The following KPNA3 variants were observed in gnomAD, a reference collection of about 807,000 sequenced individuals.
KPNA3 encodes importin subunit alpha-4.
In KPNA3, 13 loss-of-function variants were observed where a neutral mutation model predicts 73.8. The observed-to-expected ratio is 0.18, with a 90% CI of 0.11 to 0.28. The LOEUF (loss-of-function observed/expected upper bound fraction) is 0.28, where lower values mean the gene tolerates loss of function less well. Among genes scored for constraint, KPNA3 ranks in the 10% least tolerant of loss-of-function variants. The pLI is 1.00. For synonymous variants in KPNA3, 186 were observed against 206.9 expected, an observed-to-expected ratio of 0.90 and a Z score of 0.87; for missense variants, 360 against 618.1, an observed-to-expected ratio of 0.58 and a Z score of 4.43.
intron 2 of KPNA3, among the ~76,000 whole-genome samples, chr13:49,739,109 CAATT>C: frequency 6.6e-6 from 1 of 152,192 alleles, no homozygotes; most frequent in African/African-American, 2.4e-5. Flanking sequence ...ATCTTTCAAA[CAATT>C]AACTAAACAA....
chr13:49,702,289 T>C (rs2137527748), intron 16 of KPNA3, 97 bp downstream of exon 16: 1 of 695,402 alleles, frequency 1.4e-6, no homozygotes, highest in Non-Finnish European at 2.5e-6. Context: ...TACAAACTTA[T>C]GTCATCCTAA....
chr13:49,722,696 C>T, intron 7 of KPNA3, 133 bp from the exon 8 acceptor site: 1 of 554,822 alleles, frequency 1.8e-6, no homozygotes, highest in South Asian at 2.7e-5. Flanking sequence ...AATATCTTTA[C>T]CCTAAAAAGA....
intron 1 of KPNA3, among the ~76,000 whole-genome samples, chr13:49,791,022 T>C (rs1955028463): frequency 6.6e-6 from 1 of 152,252 alleles, no homozygotes; most frequent in African/African-American, 2.4e-5. Flanking sequence ...TTCGCTTAGA[T>C]GTATTTCTTA....
At chr13:49,717,724 G>A (rs9535308) in intron 10 of KPNA3, among the ~76,000 whole-genome samples, 64,903 of 152,042 alleles carry the variant, frequency 0.43, 14,370 homozygotes, top group South Asian at 0.59. Context: ...AGAATTAAAT[G>A]GGTTAACATA....
At chr13:49,707,641 T>G (rs1954220424) in intron 12 of KPNA3, among the ~76,000 whole-genome samples, 2 of 152,100 alleles carry the variant, frequency 1.3e-5, no homozygotes, top group African/African-American at 4.8e-5. Flanking sequence ...TCTGCTGACT[T>G]CTGCCCAGCT....
chr13:49,708,463 T>C (rs78398544), intron 12 of KPNA3, among the ~76,000 whole-genome samples: 2,174 of 152,326 alleles, frequency 0.014, 28 homozygotes, highest in South Asian at 0.028. Context: ...GAAAACGGTT[T>C]GGTGGTTCCT....
intron 1 of KPNA3, among the ~76,000 whole-genome samples, chr13:49,789,935 T>G (rs928496985): frequency 6.6e-6 from 1 of 152,164 alleles, no homozygotes; most frequent in African/African-American, 2.4e-5. Context: ...CCCTTTCTGC[T>G]CACCTCCAAG....
In KPNA3 at chr13:49,713,634, A is replaced by AACACACACACAC. The variant is rs66994650; in HGVS notation, c.772-2624_772-2613dup. 7.5e-4 allele frequency among the ~76,000 whole-genome samples: 106 copies of AACACACACACAC among 140,920 alleles called. 1 individual carries two copies. The highest frequency in any genetic ancestry group is 2.4e-3 in the South Asian group (10 of 4,088). 92.4% of individuals were successfully genotyped at this position (140,920 alleles called of 152,430 possible). ...CTTATATTAAACAGCTCTTAGGTGA[A>AACACACACACAC]ACACACACACACACACACACACACA... On this transcript the variant is annotated intron_variant, in intron 10 of 16. Transcript: ENST00000261667.
intron 1 of KPNA3, among the ~76,000 whole-genome samples, chr13:49,754,286 A>G (rs898705289): frequency 6.6e-6 from 1 of 152,122 alleles, no homozygotes; most frequent in Non-Finnish European, 1.5e-5. Context: ...GGGTGACAGA[A>G]CAAGACTCCA....
intron 1 of KPNA3, among the ~76,000 whole-genome samples, chr13:49,758,033 A>C (rs1200368500): frequency 2.6e-5 from 4 of 152,112 alleles, no homozygotes; most frequent in African/African-American, 9.7e-5. Context: ...TATACATCAG[A>C]TGCTGAGGGG....
intron 12 of KPNA3, 93 bp from the exon 13 acceptor site, chr13:49,706,465 C>T: frequency 2.4e-6 from 2 of 832,698 alleles, no homozygotes; most frequent in Non-Finnish European, 3.7e-6. Context: ...AACAAAATCA[C>T]CTGAATTACG....
chr13:49,719,853 GTTAA>G (rs767548705), intron 9 of KPNA3, 34 bp from the exon 10 acceptor site: 9 of 1,368,592 alleles, frequency 6.6e-6, no homozygotes, highest in Middle Eastern at 1.8e-4. Context: ...CTTAACATTA[GTTAA>G]TTAATATGTC....
chr13:49,758,088 T>C (rs368766833), intron 1 of KPNA3, among the ~76,000 whole-genome samples: 9 of 151,898 alleles, frequency 5.9e-5, no homozygotes, highest in African/African-American at 2.2e-4. Flanking sequence ...ATGTACATGA[T>C]GGGGAATCAA....
At chr13:49,736,993 G>A (rs540337710) in intron 2 of KPNA3, among the ~76,000 whole-genome samples, 3 of 152,126 alleles carry the variant, frequency 2.0e-5, no homozygotes, top group Non-Finnish European at 2.9e-5. Context: ...TATATAAATT[G>A]TTGCTTGTAT....
chr13:49,737,252 C>A (rs1191278732), intron 2 of KPNA3, among the ~76,000 whole-genome samples: 1 of 152,150 alleles, frequency 6.6e-6, no homozygotes, highest in Non-Finnish European at 1.5e-5. Context: ...ACAGAGGTTG[C>A]ATGTTTAGAC....
chr13:49,766,313 A>C (rs1361460222), intron 1 of KPNA3, among the ~76,000 whole-genome samples: 2 of 152,096 alleles, frequency 1.3e-5, no homozygotes, highest in African/African-American at 4.8e-5. Context: ...AGTACTTCTT[A>C]ATGTTTTTAG....
chr13:49,711,011 G>A lies in KPNA3; in HGVS notation c.783C>T (p.Asp261=). 3 of 1,605,582 alleles carry A rather than the reference G, an allele frequency of 1.9e-6. No individual in the cohort carries two copies. Among genetic ancestry groups the A allele is most frequent in the Non-Finnish European group, 2.5e-6 (3 of 1,177,218 alleles). ...TCAAGTATGACAGAGCCCAAACAGTGTCTACAAGAATCTACAGGAAACACA... is the reference window on the plus strand; with the variant it reads ...TCAAGTATGACAGAGCCCAAACAGTATCTACAAGAATCTACAGGAAACACA... ...IYHTDINILV[D]TVWALSYLTD... Residue 261 remains aspartate, a synonymous_variant, in exon 11 of 17, where the codon GAC becomes GAT. Transcript: ENST00000261667.
chr13:49,733,187 T>A, intron 2 of KPNA3, 141 bp from the exon 3 acceptor site: 1 of 615,888 alleles, frequency 1.6e-6, no homozygotes, highest in Non-Finnish European at 2.8e-6. Flanking sequence ...ATGTGCATAC[T>A]GCAAACCAAT....
At chr13:49,726,366 A>G (rs7982132) in intron 6 of KPNA3, among the ~76,000 whole-genome samples, 64,964 of 152,088 alleles carry the variant, frequency 0.43, 14,386 homozygotes, top group South Asian at 0.59. Flanking sequence ...CTTTTCAAAG[A>G]TGGATTTAAA....
Sources: allele counts gnomAD v4.1 joint callset (sites outside exome capture counted in the v4.1 genomes callset), GRCh38; gene constraint gnomAD v4.1.1; transcripts MANE v1.5; gene names NCBI Gene and HGNC (gene_info 2026-07-23, HGNC 2026-07-21).